The following EFCAB11 variants were observed in gnomAD, a reference collection of about 807,000 sequenced individuals.
EFCAB11 encodes EF-hand calcium binding domain 11.
Under a neutral mutation model 23.0 loss-of-function variants are expected in EFCAB11, and 14 were observed. The observed-to-expected ratio is 0.61, with a 90% CI of 0.40 to 0.95. The LOEUF is 0.95. EFCAB11 is among the 40% of genes least tolerant of loss of function. The probability of loss-of-function intolerance (pLI) is 0.00; values close to 1 mark genes in which losing one functional copy is unlikely to be tolerated. For synonymous variants in EFCAB11, 65 were observed against 66.6 expected, an observed-to-expected ratio of 0.98 and a Z score of 0.11; for missense variants, 198 against 195.8, an observed-to-expected ratio of 1.01 and a Z score of -0.07.
intron 5 of EFCAB11, among the ~76,000 whole-genome samples, chr14:89,914,785 C>T (rs1889784107): frequency 6.8e-6 from 1 of 146,918 alleles, no homozygotes. Flanking sequence ...ACCTTGGTCT[C>T]GAAAAGAAAA....
intron 1 of EFCAB11, 112 bp downstream of exon 1, chr14:89,954,474 C>G: frequency 6.5e-7 from 1 of 1,541,028 alleles, no homozygotes; most frequent in East Asian, 2.4e-5. Context: ...TTTGGACAGG[C>G]AGCCCAGGTC....
At chr14:89,802,508 C>T (rs1885820580) in intron 5 of EFCAB11, among the ~76,000 whole-genome samples, 1 of 152,172 alleles carries the variant, frequency 6.6e-6, no homozygotes, top group Non-Finnish European at 1.5e-5. Context: ...TCTCCTGCCT[C>T]AGCCTCCCGA....
chr14:89,947,478 C>G (rs1891023202), intron 3 of EFCAB11, among the ~76,000 whole-genome samples: 1 of 152,200 alleles, frequency 6.6e-6, no homozygotes, highest in African/African-American at 2.4e-5. Flanking sequence ...CATTGTCACA[C>G]TTCATCATCA....
At chr14:89,931,338 C>T (rs1890381716) in intron 5 of EFCAB11, 3 of 535,824 alleles carry the variant, frequency 5.6e-6, no homozygotes, top group South Asian at 2.9e-5. Context: ...AGCGCTCCCC[C>T]AACTTTACAG....
At chr14:89,902,768 A>G (rs1889381401) in intron 5 of EFCAB11, among the ~76,000 whole-genome samples, 1 of 152,228 alleles carries the variant, frequency 6.6e-6, no homozygotes, top group South Asian at 2.1e-4. Flanking sequence ...ATACTGATCT[A>G]AGCCATTCAA....
intron 5 of EFCAB11, chr14:89,892,136 C>G: frequency 6.4e-7 from 1 of 1,556,356 alleles, no homozygotes; most frequent in South Asian, 1.2e-5. Flanking sequence ...CATGGCCACT[C>G]AGGGCCCGGA....
chr14:89,924,059 A>T (rs1890110102), intron 5 of EFCAB11: 3 of 985,466 alleles, frequency 3.0e-6, no homozygotes, highest in Non-Finnish European at 2.4e-6. Flanking sequence ...ACATCTATAT[A>T]ATTTTTCTGC....
chr14:89,883,348 C>A (rs1375682722), intron 5 of EFCAB11, among the ~76,000 whole-genome samples: 1 of 152,170 alleles, frequency 6.6e-6, no homozygotes, highest in African/African-American at 2.4e-5. Flanking sequence ...CAAAAGGTGA[C>A]TGAATATATA....
intron 2 of EFCAB11, chr14:89,952,399 G>A (rs1230775299): frequency 2.9e-5 from 29 of 985,304 alleles, no homozygotes; most frequent in Non-Finnish European, 1.1e-5. Flanking sequence ...CTTTCCAGGT[G>A]AATCCAAGTT....
intron 5 of EFCAB11, among the ~76,000 whole-genome samples, chr14:89,897,400 G>A (rs1045984938): frequency 6.6e-6 from 1 of 151,950 alleles, no homozygotes; most frequent in Non-Finnish European, 1.5e-5. Flanking sequence ...GTAGAGACAG[G>A]GTTTCACTGT....
intron 5 of EFCAB11, among the ~76,000 whole-genome samples, chr14:89,856,526 A>G (rs1183702109): frequency 6.6e-6 from 1 of 152,104 alleles, no homozygotes; most frequent in East Asian, 1.9e-4. Context: ...TGATTTCCAT[A>G]ATGGCTGTAC....
At chr14:89,815,508 C>T (rs958971878) in intron 5 of EFCAB11, among the ~76,000 whole-genome samples, 1 of 151,154 alleles carries the variant, frequency 6.6e-6, no homozygotes, top group African/African-American at 2.4e-5. Context: ...CTCACTGCAA[C>T]CTCCGCCTCC....
chr14:89,854,674 C>T (rs143298834), intron 5 of EFCAB11, among the ~76,000 whole-genome samples: 3 of 152,196 alleles, frequency 2.0e-5, no homozygotes, highest in African/African-American at 7.2e-5. Flanking sequence ...CTTGAATACA[C>T]AGCCCAAATT....
intron 5 of EFCAB11, among the ~76,000 whole-genome samples, chr14:89,809,815 A>C (rs758519398): frequency 9.2e-5 from 14 of 152,164 alleles, no homozygotes; most frequent in Non-Finnish European, 1.9e-4. Flanking sequence ...ATGGCGTCCC[A>C]ATGACCACCT....
intron 5 of EFCAB11, among the ~76,000 whole-genome samples, chr14:89,853,139 T>G (rs771590824): frequency 5.3e-5 from 8 of 152,258 alleles, no homozygotes; most frequent in Non-Finnish European, 1.0e-4. Context: ...CAAGTTCAAC[T>G]GGCACAAATA....
At chr14:89,947,399 A>T (rs749085559) in intron 3 of EFCAB11, among the ~76,000 whole-genome samples, 1 of 152,202 alleles carries the variant, frequency 6.6e-6, no homozygotes, top group South Asian at 2.1e-4. Context: ...AAATAGAAAC[A>T]AGAAGAAGCA....
chr14:89,954,479 C>T, intron 1 of EFCAB11, 107 bp downstream of exon 1: 1 of 1,545,548 alleles, frequency 6.5e-7, no homozygotes, highest in Non-Finnish European at 8.7e-7. Context: ...ACAGGCAGCC[C>T]AGGTCTTATC....
In EFCAB11 at chr14:89,796,393, A is replaced by G. The variant is rs1885575974; in HGVS notation, c.*850T>C. On this transcript the variant is annotated 3_prime_UTR_variant, in exon 6 of 6. Coordinates refer to ENST00000316738, the MANE Select transcript of EFCAB11 (RefSeq NM_145231.4). ...GCAATCATGGCTCACTGAAGCTTCAAACCCCTGGGCTCAAATGATCCTTCC... is the reference window on the plus strand; with the variant it reads ...GCAATCATGGCTCACTGAAGCTTCAGACCCCTGGGCTCAAATGATCCTTCC... 6.6e-6 allele frequency: 1 copy of G among 152,198 alleles called. No homozygotes were observed. Among genetic ancestry groups the G allele is most frequent in the Non-Finnish European group, 1.5e-5 (1 of 68,048 alleles). 9.4% of individuals were successfully genotyped at this position (152,198 alleles called of 1,614,324 possible).
chr14:89,924,483 T>C, intron 5 of EFCAB11: 1 of 1,388,182 alleles, frequency 7.2e-7, no homozygotes, highest in Non-Finnish European at 9.3e-7. Flanking sequence ...AACTGACAGG[T>C]GGTGGGAATG....
Sources: allele counts gnomAD v4.1 joint callset (sites outside exome capture counted in the v4.1 genomes callset), GRCh38; gene constraint gnomAD v4.1.1; transcripts MANE v1.5; gene names NCBI Gene and HGNC (gene_info 2026-07-23, HGNC 2026-07-21).